Variants in TSPAN11 observed in about 807,000 individuals in gnomAD.
TSPAN11 encodes tetraspanin 11, also known as tetraspanin-11.
In TSPAN11, 29 loss-of-function variants were observed where a neutral mutation model predicts 32.9. That is an observed-to-expected ratio of 0.88 (90% CI 0.66 to 1.20). The LOEUF is 1.20. TSPAN11 is among the 50% of genes most tolerant of loss of function. The pLI is 0.00. For missense variants in TSPAN11, 283 were observed against 329.1 expected (o/e 0.86, Z 1.08); for synonymous variants, 140 against 141.3 (o/e 0.99, Z 0.07).
intron 7 of TSPAN11, among the ~76,000 whole-genome samples, chr12:30,991,256 C>T (rs1939307122): frequency 2.0e-5 from 3 of 152,206 alleles, no homozygotes; most frequent in South Asian, 2.1e-4. Context: ...TGCTGACTGA[C>T]AGGGTGACAG....
At chr12:30,959,165 C>G (rs762008871) in intron 2 of TSPAN11, among the ~76,000 whole-genome samples, 1 of 152,102 alleles carries the variant, frequency 6.6e-6, no homozygotes, top group Non-Finnish European at 1.5e-5. Context: ...TGGGGCGGCT[C>G]CCGGGTACCA....
rs1939329869 is a variant in TSPAN11, at chr12:30,992,223, GCGGTTGGGTTCTCTGCTCCCTCCC to G, written c.*309_*332del. 3 of 452,718 alleles carry G rather than the reference GCGGTTGGGTTCTCTGCTCCCTCCC, an allele frequency of 6.6e-6. No individual in the cohort carries two copies. Among genetic ancestry groups the G allele is most frequent in the Non-Finnish European group, 1.2e-5 (3 of 248,052 alleles). The allele number at this position is 452,718 out of a possible 1,614,324, so 28.0% of individuals were successfully genotyped here. ...GGCACCCGTGGACTACGGGAGGGTG[GCGGTTGGGTTCTCTGCTCCCTCCC>G]AGCTCCTGAACCTGGAACAATCGGC... On this transcript the variant is annotated 3_prime_UTR_variant, in exon 8 of 8. Coordinates refer to ENST00000546076, the MANE Select transcript of TSPAN11 (RefSeq NM_001370302.1).
At chr12:31,011,356 C>T in the TSPAN11 span, among the ~76,000 whole-genome samples, 1 of 152,210 alleles carries the variant, frequency 6.6e-6, no homozygotes, top group African/African-American at 2.4e-5. Flanking sequence ...TTTAACCTGG[C>T]CTCCAAAGTC....
chr12:31,004,674 A>G, the TSPAN11 span, among the ~76,000 whole-genome samples: 2 of 152,216 alleles, frequency 1.3e-5, no homozygotes, highest in Non-Finnish European at 2.9e-5. Context: ...TCTAGCAGGA[A>G]TGTCTGTGAA....
At chr12:30,977,700 G>A (rs551364346) in intron 3 of TSPAN11, among the ~76,000 whole-genome samples, 4 of 152,112 alleles carry the variant, frequency 2.6e-5, no homozygotes, top group East Asian at 1.9e-4. Flanking sequence ...AGAGTTGGTC[G>A]AGCAGGGTCT....
Position 30,986,263 on chromosome 12 carries a change from A to T in TSPAN11, c.702+3113A>T, listed in dbSNP as rs536538185. On this transcript the variant is annotated intron_variant, in intron 7 of 7. Coordinates refer to ENST00000546076, the MANE Select transcript of TSPAN11 (RefSeq NM_001370302.1). ...GCAAGAAATCTTGCTTGGGAGTTAC[A>T]GGGCCTGATTTCTAAACATAGCCCC... Among the ~76,000 whole-genome samples, 6 of 152,334 alleles carry T rather than the reference A, an allele frequency of 3.9e-5. No individual in the cohort carries two copies. The South Asian group carries it at 1.2e-3, about 32-fold the overall frequency.
intron 1 of TSPAN11, among the ~76,000 whole-genome samples, chr12:30,940,382 C>T (rs1328602846): frequency 2.0e-5 from 3 of 152,186 alleles, no homozygotes; most frequent in Non-Finnish European, 2.9e-5. Context: ...GGGCCCAGAA[C>T]TCAACTCATA....
intron 1 of TSPAN11, among the ~76,000 whole-genome samples, chr12:30,938,583 A>C (rs541555359): frequency 1.6e-4 from 25 of 152,284 alleles, no homozygotes; most frequent in Middle Eastern, 3.4e-3. Flanking sequence ...TGCCTTGCAC[A>C]ATTCCAGGGG....
At chr12:31,010,467 T>G in the TSPAN11 span, among the ~76,000 whole-genome samples, 1 of 152,118 alleles carries the variant, frequency 6.6e-6, no homozygotes, top group Non-Finnish European at 1.5e-5. Flanking sequence ...TGGTCAAGTG[T>G]AGGCTGGGGT....
chr12:30,946,852 C>T (rs552872878), intron 1 of TSPAN11, among the ~76,000 whole-genome samples: 6 of 152,288 alleles, frequency 3.9e-5, no homozygotes, highest in African/African-American at 1.2e-4. Context: ...CTGGGGCTGT[C>T]CGTGATTCTG....
intron 1 of TSPAN11, among the ~76,000 whole-genome samples, chr12:30,947,443 C>T (rs1343307038): frequency 3.3e-5 from 5 of 152,112 alleles, no homozygotes; most frequent in Non-Finnish European, 7.3e-5. Flanking sequence ...CTGATAATGA[C>T]ATACCTGAGA....
chr12:30,944,033 T>C (rs1317172548), intron 1 of TSPAN11, among the ~76,000 whole-genome samples: 1 of 152,186 alleles, frequency 6.6e-6, no homozygotes, highest in Non-Finnish European at 1.5e-5. Flanking sequence ...CTGGCACTTA[T>C]TTAACTGCAG....
At chr12:30,935,417 C>T (rs1002896530) in intron 1 of TSPAN11, among the ~76,000 whole-genome samples, 1 of 114,898 alleles carries the variant, frequency 8.7e-6, no homozygotes, top group African/African-American at 3.5e-5. Context: ...GAGTTTCACT[C>T]TTGTCGCCCA....
chr12:31,015,464 C>T, the TSPAN11 span: 1 of 152,168 alleles, frequency 6.6e-6, no homozygotes, highest in African/African-American at 2.4e-5. This position sits in a 1 kb window ranked among gnomAD's most constrained non-coding sequence, Gnocchi z 4.9. Context: ...CGGTTTGTTC[C>T]CCGTATAATT....
chr12:30,954,215 C>T (rs921848519), intron 2 of TSPAN11, 140 bp downstream of exon 2: 2 of 679,272 alleles, frequency 2.9e-6, no homozygotes, highest in Admixed American at 2.3e-5. Context: ...ATTCTTCCCA[C>T]TTTAAAGCAA....
At chr12:31,002,107 G>A in the TSPAN11 span, among the ~76,000 whole-genome samples, 11 of 152,144 alleles carry the variant, frequency 7.2e-5, no homozygotes, top group Non-Finnish European at 1.5e-4. The surrounding 1 kb of genome is among the most constrained non-coding windows in gnomAD (Gnocchi z 4.8). Context: ...AGTCTGTCTC[G>A]GTAAATCTCC....
the TSPAN11 span, among the ~76,000 whole-genome samples, chr12:31,014,838 AC>A: frequency 0.049 from 7,393 of 152,310 alleles, 224 homozygotes; most frequent in Middle Eastern, 0.16. Flanking sequence ...AAATCCAGGC[AC>A]AAAGGTTAAT....
chr12:30,930,596 C>T (rs1937900418), intron 1 of TSPAN11, among the ~76,000 whole-genome samples: 1 of 152,214 alleles, frequency 6.6e-6, no homozygotes, highest in South Asian at 2.1e-4. Flanking sequence ...ATGACCTCAA[C>T]TCGTAGCAGG....
rs546212330 is a variant in TSPAN11, at chr12:30,933,489, C to T, written c.-12+6693C>T. ...CTCACATTTATGTTCCCCCTTCCAG[C>T]TCCTTCCTCTCAGCACTGGGGATGG... On this transcript the variant is annotated intron_variant, in intron 1 of 7. Coordinates refer to ENST00000546076, the MANE Select transcript of TSPAN11 (RefSeq NM_001370302.1). 8.6e-4 allele frequency among the ~76,000 whole-genome samples: 131 copies of T among 152,230 alleles called. 1 individual carries two copies. Among genetic ancestry groups the T allele is most frequent in the Non-Finnish European group, 1.6e-3 (108 of 67,990 alleles).
Sources: allele counts gnomAD v4.1 joint callset (sites outside exome capture counted in the v4.1 genomes callset), GRCh38; gene constraint gnomAD v4.1.1; non-coding constraint Gnocchi (gnomAD v3.1); transcripts MANE v1.5; gene names NCBI Gene and HGNC (gene_info 2026-07-23, HGNC 2026-07-21).